Variants in JAG2 observed in about 807,000 individuals in gnomAD.
JAG2 encodes protein jagged-2.
A neutral mutation model predicts 141.7 loss-of-function variants in JAG2; 46 were observed. The ratio of observed to expected loss-of-function variants is 0.32; its 90% CI spans 0.26 to 0.42. JAG2 has a LOEUF of 0.42. Ranked by LOEUF, JAG2 falls within the 10% of genes least tolerant of loss-of-function variation. JAG2 has a pLI of 1.00. For missense variants in JAG2, 1,500 were observed against 1,817.5 expected (o/e 0.83, Z 3.18); for synonymous variants, 862 against 763.5 (o/e 1.13, Z -2.13).
intron 3 of JAG2, among the ~76,000 whole-genome samples, chr14:105,157,286 G>T (rs1283421186): frequency 6.6e-6 from 1 of 152,124 alleles, no homozygotes; most frequent in African/African-American, 2.4e-5. Context: ...TGGCCTGTGG[G>T]TGCTTCTGCA....
At position 105,167,640 on chromosome 14, in the gene JAG2, G is replaced by A; in HGVS notation, c.417+117C>T. 8.7e-7 allele frequency: 1 copy of A among 1,154,322 alleles called. No homozygotes were observed. The highest frequency in any genetic ancestry group is 1.1e-6 in the Non-Finnish European group (1 of 930,132). The allele number at this position is 1,154,322 out of a possible 1,614,324, so 71.5% of individuals were successfully genotyped here. On this transcript the variant is annotated intron_variant, in intron 2 of 25. Transcript: ENST00000331782. This position sits in a 1 kb window ranked among gnomAD's most constrained non-coding sequence, Gnocchi z 4.8. Reference sequence around the variant, plus strand: ...GCCCCCTGCCGGCCCCGCCCCGCCTGGGCGCGCGCGGCTCGCACGCAGACC... The same window carrying A: ...GCCCCCTGCCGGCCCCGCCCCGCCTAGGCGCGCGCGGCTCGCACGCAGACC...
rs199832800 is a variant in JAG2, at chr14:105,152,100, C to T, written c.920-43G>A. On this transcript the variant is annotated intron_variant, in intron 6 of 25. Coordinates refer to ENST00000331782, the MANE Select transcript of JAG2 (RefSeq NM_002226.5). ...ATGCTCAGGGGAAAAGCCGGCCCCC[C>T]GCTCCCCCACAACCCACACTTCGAT... 6.0e-5 allele frequency: 97 copies of T among 1,613,266 alleles called. No homozygotes were observed. The South Asian group carries it at 6.7e-4, about 11-fold the overall frequency.
intron 17 of JAG2, 26 bp from the exon 18 acceptor site, chr14:105,147,914 C>T (rs587677193): frequency 9.9e-6 from 15 of 1,507,840 alleles, no homozygotes; most frequent in East Asian, 2.5e-5. Context: ...GAGGAGGGAG[C>T]GTCTCACCTG....
rs1035503208 is a variant in JAG2, at chr14:105,154,512, C to T, written c.788+1050G>A. Among the ~76,000 whole-genome samples, 1 of 152,264 alleles carries T rather than the reference C, an allele frequency of 6.6e-6. No individual in the cohort carries two copies. Among genetic ancestry groups the T allele is most frequent in the Non-Finnish European group, 1.5e-5 (1 of 68,014 alleles). On this transcript the variant is annotated intron_variant, in intron 5 of 25. Coordinates refer to ENST00000331782, the MANE Select transcript of JAG2 (RefSeq NM_002226.5). The surrounding 1 kb of genome is among the most constrained non-coding windows in gnomAD (Gnocchi z 4.4). ...AAGCTGCCAGCCCCCCTGGCTGGAT[C>T]CCCCACACTCTGGTCTGGGTCCAGA...
intron 24 of JAG2, among the ~76,000 whole-genome samples, chr14:105,144,175 C>A (rs1888153325): frequency 6.6e-6 from 1 of 151,902 alleles, no homozygotes; most frequent in African/African-American, 2.4e-5. Flanking sequence ...CCCACCCCCA[C>A]CTATGGGCCA....
chr14:105,161,201 G>C (rs1028816285), intron 2 of JAG2, among the ~76,000 whole-genome samples: 4 of 150,562 alleles, frequency 2.7e-5, no homozygotes, highest in African/African-American at 9.8e-5. Flanking sequence ...GTCTGTTGTT[G>C]GGGGTCTGAG....
At chr14:105,166,712 T>C (rs1176061282) in intron 2 of JAG2, among the ~76,000 whole-genome samples, 1 of 152,136 alleles carries the variant, frequency 6.6e-6, no homozygotes, top group Admixed American at 6.5e-5. Flanking sequence ...TCGGCAGGGA[T>C]TGCCCTCAAC....
chr14:105,150,823 C>T, intron 11 of JAG2, 42 bp downstream of exon 11: 2 of 1,572,418 alleles, frequency 1.3e-6, no homozygotes, highest in Non-Finnish European at 1.7e-6. Context: ...CCCTGACGGC[C>T]CCGCAGCACC....
Position 105,154,325 on chromosome 14 carries a change from C to G in JAG2, c.788+1237G>C, listed in dbSNP as rs1888519340. On this transcript the variant is annotated intron_variant, in intron 5 of 25. Transcript: ENST00000331782. The surrounding 1 kb of genome is among the most constrained non-coding windows in gnomAD (Gnocchi z 4.4). ...CCAAGGCTGGCTGGAGGGCGGTGCT[C>G]ACCTCCACCTGCTGTCTCTCCACCC... 6.6e-6 allele frequency among the ~76,000 whole-genome samples: 1 copy of G among 152,168 alleles called. No homozygotes were observed. Among genetic ancestry groups the G allele is most frequent in the African/African-American group, 2.4e-5 (1 of 41,410 alleles).
intron 2 of JAG2, among the ~76,000 whole-genome samples, chr14:105,164,033 G>A (rs1888837206): frequency 6.6e-6 from 1 of 152,068 alleles, no homozygotes; most frequent in Non-Finnish European, 1.5e-5. Context: ...ACACCATGGA[G>A]CAGCCCAGGA....
At chr14:105,146,812 CA>C in intron 20 of JAG2, 88 bp from the exon 21 acceptor site, 1 of 1,027,594 alleles carries the variant, frequency 9.7e-7, no homozygotes, top group Non-Finnish European at 1.5e-6. Flanking sequence ...GAGCCAGTGG[CA>C]CACAGGCGCA....
At chr14:105,162,920 A>AC (rs5811171) in intron 2 of JAG2, among the ~76,000 whole-genome samples, 104,345 of 151,790 alleles carry the variant, frequency 0.69, 36,672 homozygotes, top group African/African-American at 0.84. Context: ...TGCCCACTGT[A>AC]CCCCAATCTA....
rs1289584362 is a variant in JAG2 at position 105,167,144 on chromosome 14, C to CAA, written c.417+611_417+612dup. On this transcript the variant is annotated intron_variant, in intron 2 of 25. Transcript: ENST00000331782. The surrounding 1 kb of genome is among the most constrained non-coding windows in gnomAD (Gnocchi z 4.8). The stretch of plus-strand genomic sequence containing the variant: ...TTCTGCCCCTCCAGAATAACAAAAC[C>CAA]AAAAAAACCCACAAACAGGGCAGTG... Among the ~76,000 whole-genome samples, 8 of 152,088 alleles carry CAA rather than the reference C, an allele frequency of 5.3e-5. No homozygotes were observed. Among genetic ancestry groups the CAA allele is most frequent in the Non-Finnish European group, 1.0e-4 (7 of 67,982 alleles).
intron 20 of JAG2, chr14:105,147,034 C>T: frequency 1.7e-6 from 1 of 603,218 alleles, no homozygotes; most frequent in East Asian, 2.8e-5. Context: ...CCAGGGACAA[C>T]AGCCCTGCGG....
chr14:105,150,149 C>T (rs1888378311), intron 12 of JAG2, among the ~76,000 whole-genome samples: 1 of 150,108 alleles, frequency 6.7e-6, no homozygotes, highest in Admixed American at 6.6e-5. Context: ...GGAGGGGGTC[C>T]AGTACCAACA....
At chr14:105,152,527 C>A (rs940768008) in intron 5 of JAG2, among the ~76,000 whole-genome samples, 27 of 152,326 alleles carry the variant, frequency 1.8e-4, no homozygotes, top group Admixed American at 7.8e-4. Context: ...TCACTCCTCC[C>A]TGAGCTATTT....
chr14:105,167,669 C>A lies in JAG2; in HGVS notation c.417+88G>T. ...GCGCGCGGCTCGCACGCAGACCCGG[C>A]CGCAGGTGTTGGGGGTCGCGAAGCG... On this transcript the variant is annotated intron_variant, in intron 2 of 25. Coordinates refer to ENST00000331782, the MANE Select transcript of JAG2 (RefSeq NM_002226.5). This position sits in a 1 kb window ranked among gnomAD's most constrained non-coding sequence, Gnocchi z 4.8. The A allele has an allele frequency of 2.4e-6, 3 of 1,252,682 alleles. No individual in the cohort carries two copies. Among genetic ancestry groups the A allele is most frequent in the Non-Finnish European group, 3.0e-6 (3 of 1,000,540 alleles). The allele number at this position is 1,252,682 out of a possible 1,614,324, so 77.6% of individuals were successfully genotyped here.
At chr14:105,143,782 C>A (rs1051344643) in intron 24 of JAG2, 144 bp from the exon 25 acceptor site, 3 of 868,448 alleles carry the variant, frequency 3.5e-6, no homozygotes, top group African/African-American at 1.6e-5. Context: ...GGCGACTTCA[C>A]CACCAGGCAG....
chr14:105,144,796 G>A (rs1442185742), intron 24 of JAG2, 134 bp downstream of exon 24: 12 of 1,182,056 alleles, frequency 1.0e-5, no homozygotes, highest in Middle Eastern at 2.2e-4. Flanking sequence ...GCGAGGGGCC[G>A]CAGGGAGACA....
Sources: gnomAD v4.1 joint callset for allele counts (sites outside exome capture counted in the v4.1 genomes callset) on GRCh38, gnomAD v4.1.1 for gene constraint, Gnocchi (gnomAD v3.1) non-coding constraint, MANE v1.5 for transcripts, NCBI Gene and HGNC (gene_info 2026-07-23, HGNC 2026-07-21) for gene names.